The following SGSH variants were observed in gnomAD, a reference collection of about 807,000 sequenced individuals.
SGSH encodes the protein N-sulfoglucosamine sulfohydrolase.
Under a neutral mutation model 51.0 loss-of-function variants are expected in SGSH, and 48 were observed. The observed-to-expected ratio is 0.94, with a 90% CI of 0.75 to 1.20. The LOEUF is 1.20. SGSH is among the 50% of genes most tolerant of loss of function. The probability of loss-of-function intolerance (pLI) is 0.00; values close to 1 mark genes in which losing one functional copy is unlikely to be tolerated. For synonymous variants in SGSH, 321 were observed against 313.4 expected (o/e 1.02, Z -0.26); for missense variants, 662 against 717.8 (o/e 0.92, Z 0.89).
downstream of SGSH, chr17:80,207,146 C>A: frequency 8.1e-7 from 1 of 1,237,702 alleles, no homozygotes; most frequent in Non-Finnish European, 1.2e-6. Context: ...CCCCCAAAGC[C>A]CACGGCAGGT....
intron 7 of SGSH, chr17:80,211,294 C>T (rs1027145877): frequency 5.2e-6 from 4 of 765,636 alleles, no homozygotes; most frequent in Non-Finnish European, 7.7e-6. Flanking sequence ...GTACTCCAGC[C>T]CCTGTGGTGG....
Position 80,217,107 on chromosome 17 carries a change from G to A in SGSH, c.174C>T (p.Leu58=), listed in dbSNP as rs1278899264. The A allele has an allele frequency of 4.4e-6, 7 of 1,606,098 alleles. No individual in the cohort carries two copies. Among genetic ancestry groups the A allele is most frequent in the Non-Finnish European group, 5.9e-6 (7 of 1,177,626 alleles). ...PHLDALARRS[L]LFRNAFTSVS... ...CCGAGGTGAAGGCATTGCGAAAGAG[G>A]AGGCTGCGGCGGGCCAAGGCGTCCA... is the stretch of plus-strand genomic sequence containing the variant. The change falls in exon 2 of 8, where the codon CTC becomes CTT. Residue 58 remains leucine (L), a synonymous_variant. Coordinates refer to ENST00000326317, the MANE Select transcript of SGSH (RefSeq NM_000199.5).
chr17:80,205,060 G>A (rs767351855), downstream of SGSH: 7 of 1,606,352 alleles, frequency 4.4e-6, no homozygotes, highest in Admixed American at 3.4e-5. Context: ...TCTGGGCCGA[G>A]AGCTGCCTCA....
intron 7 of SGSH, chr17:80,211,234 C>T: frequency 7.4e-7 from 1 of 1,343,428 alleles, no homozygotes; most frequent in Non-Finnish European, 9.8e-7. Flanking sequence ...ATTTAGGATC[C>T]TTCTAAAATC....
chr17:80,219,261 G>C (rs1347956218), intron 1 of SGSH, among the ~76,000 whole-genome samples: 1 of 152,044 alleles, frequency 6.6e-6, no homozygotes, highest in Non-Finnish European at 1.5e-5. Context: ...AACAGTGAGA[G>C]GGTGACCACC....
At chr17:80,214,811 C>G (rs556173845) in intron 3 of SGSH, 46 bp from the exon 4 acceptor site, 1 of 1,600,170 alleles carries the variant, frequency 6.2e-7, no homozygotes, top group South Asian at 1.1e-5. Flanking sequence ...AGCCTCCCAA[C>G]CCTTTCTGCT....
the SGSH span, chr17:80,201,628 GT>G: frequency 9.5e-7 from 1 of 1,056,190 alleles, no homozygotes; most frequent in South Asian, 1.3e-5. The surrounding 1 kb of genome is among the most constrained non-coding windows in gnomAD (Gnocchi z 5.0). Context: ...CGTGCAGGCA[GT>G]GGTCCTACGG....
At chr17:80,211,300 G>T in intron 7 of SGSH, 1 of 698,454 alleles carries the variant, frequency 1.4e-6, no homozygotes, top group Non-Finnish European at 2.2e-6. Context: ...CAGCCCCTGT[G>T]GTGGGTGTGG....
intron 1 of SGSH, among the ~76,000 whole-genome samples, chr17:80,217,711 G>A (rs1208700206): frequency 1.3e-5 from 2 of 151,888 alleles, no homozygotes; most frequent in Non-Finnish European, 2.9e-5. Flanking sequence ...AGGTAGGCAT[G>A]GTACCCAGGC....
chr17:80,217,146 G>C lies in SGSH; in HGVS notation c.135C>G (p.Ile45Met). 6.2e-7 allele frequency: 1 copy of C among 1,600,428 alleles called. No homozygotes were observed. Among genetic ancestry groups the C allele is most frequent in the South Asian group, 1.1e-5 (1 of 89,188 alleles). The change falls in exon 2 of 8, where the codon ATC (isoleucine) becomes ATG (methionine). Residue 45 changes from isoleucine to methionine, a missense_variant. Transcript: ENST00000326317. ...CCAAGGCGTCCAGGTGCGGGGTGGC[G>C]ATGGCGCTGTTGTTGTACGCGCCAC... ...FESGAYNNSA[I>M]ATPHLDALAR...
chr17:80,213,876 A>C lies in SGSH; in HGVS notation c.673T>G (p.Phe225Val). The change falls in exon 6 of 8, where the codon TTC becomes GTC. Residue 225 changes from phenylalanine (F) to valine (V), a missense_variant. Phe to Val is a conservative substitution (Grantham distance 50, BLOSUM62 -1). Coordinates refer to ENST00000326317, the MANE Select transcript of SGSH (RefSeq NM_000199.5). The surrounding 1 kb of genome is among the most constrained non-coding windows in gnomAD (Gnocchi z 4.6). Reference sequence around the variant, plus strand: ...CGGGCTGCCGGGGTGTTGGGGACGAAGTAAGGCACCTGGGGCAGGCGGTGG... The same window carrying C: ...CGGGCTGCCGGGGTGTTGGGGACGACGTAAGGCACCTGGGGCAGGCGGTGG... ...YDPLDVLVPYFVPNTPAARAD... is the reference protein window; with the variant it reads ...YDPLDVLVPYVVPNTPAARAD... 1 of 1,607,970 alleles carries C rather than the reference A, an allele frequency of 6.2e-7. No individual in the cohort carries two copies. The highest frequency in any genetic ancestry group is 8.5e-7 in the Non-Finnish European group (1 of 1,179,276).
chr17:80,209,939 G>C lies in SGSH; in HGVS notation c.*513C>G. The C allele has an allele frequency of 1.0e-6, 1 of 1,000,664 alleles. No individual in the cohort carries two copies. The highest frequency in any genetic ancestry group is 1.2e-6 in the Non-Finnish European group (1 of 837,552). The allele number at this position is 1,000,664 out of a possible 1,614,324, so 62.0% of individuals were successfully genotyped here. ...CTTCCTCTAGGCCAGACGCTGGTAA[G>C]AGCCAGGCGCCGTGCTCCCAGGTGA... is the stretch of plus-strand genomic sequence containing the variant. On this transcript the variant is annotated 3_prime_UTR_variant, in exon 8 of 8. Coordinates refer to ENST00000326317, the MANE Select transcript of SGSH (RefSeq NM_000199.5).
intron 7 of SGSH, chr17:80,211,277 A>G: frequency 1.0e-6 from 1 of 976,310 alleles, no homozygotes; most frequent in Admixed American, 3.1e-5. Flanking sequence ...CCTTTTTGGT[A>G]GCTCGTGTAC....
In SGSH at chr17:80,209,861, G is replaced by A. The variant is rs1296616439; in HGVS notation, c.*591C>T. ...AAACCTGCCTGGGGAACAGGGACTT[G>A]ACCATGGGGCAAAACAGAAGAAGCA... On this transcript the variant is annotated 3_prime_UTR_variant, in exon 8 of 8. Transcript: ENST00000326317. 1.0e-6 allele frequency: 1 copy of A among 989,322 alleles called. No individual in the cohort carries two copies. The highest frequency in any genetic ancestry group is 1.7e-5 in the African/African-American group (1 of 57,270). 61.3% of individuals were successfully genotyped at this position (989,322 alleles called of 1,614,324 possible). A position where few individuals can be genotyped will look rare whatever the true frequency, so the allele number is the denominator to read the frequency against.
chr17:80,214,135 T>C, intron 5 of SGSH, 37 bp downstream of exon 5: 1 of 1,585,616 alleles, frequency 6.3e-7, no homozygotes, highest in Non-Finnish European at 8.6e-7. Flanking sequence ...GACCCAGGGC[T>C]GACGGGCGTC....
downstream of SGSH, chr17:80,202,444 T>G: frequency 1.2e-6 from 2 of 1,603,908 alleles, no homozygotes; most frequent in Non-Finnish European, 1.7e-6. Flanking sequence ...TCGAGCTCGG[T>G]GCGTCCCCAG....
chr17:80,205,308 C>A (rs376428578), downstream of SGSH: 11 of 1,202,482 alleles, frequency 9.1e-6, no homozygotes, highest in African/African-American at 1.6e-4. Context: ...CTTCCCTCCC[C>A]CACCACGCAC....
chr17:80,208,215 G>A (rs34850974), downstream of SGSH: 12,507 of 1,559,890 alleles, frequency 8.0e-3, 884 homozygotes, highest in African/African-American at 0.15. Flanking sequence ...GACCTGGACC[G>A]GGCGCCCTGT....
rs2041581884 is a variant in SGSH at position 80,210,295 on chromosome 17, T to C, written c.*157A>G. ...CATGCTCTGGTCCCCCTCCAGGCAA[T>C]GGCAAGAGTGACCCCACAGGAAGGA... On this transcript the variant is annotated 3_prime_UTR_variant, in exon 8 of 8. Transcript: ENST00000326317. 1.8e-5 allele frequency: 26 copies of C among 1,435,186 alleles called. No homozygotes were observed. Among genetic ancestry groups the C allele is most frequent in the Middle Eastern group, 5.1e-4 (2 of 3,886 alleles). 88.9% of individuals were successfully genotyped at this position (1,435,186 alleles called of 1,614,324 possible).
Sources: allele counts gnomAD v4.1 joint callset (sites outside exome capture counted in the v4.1 genomes callset), GRCh38; gene constraint gnomAD v4.1.1; non-coding constraint Gnocchi (gnomAD v3.1); transcripts MANE v1.5; gene names NCBI Gene and HGNC (gene_info 2026-07-23, HGNC 2026-07-21).